The following SEMA3A variants were observed in gnomAD, a reference collection of about 807,000 sequenced individuals.
The protein encoded by SEMA3A is semaphorin-3A.
Under a neutral mutation model 97.9 loss-of-function variants are expected in SEMA3A, and 29 were observed. The ratio of observed to expected loss-of-function variants is 0.30; its 90% CI spans 0.22 to 0.40. The LOEUF (loss-of-function observed/expected upper bound fraction) is 0.40, where lower values mean the gene tolerates loss of function less well. Among genes scored for constraint, SEMA3A ranks in the 10% least tolerant of loss-of-function variants. SEMA3A has a pLI of 1.00. For missense variants in SEMA3A, 763 were observed against 951.3 expected (o/e 0.80, Z 2.60); for synonymous variants, 321 against 323.7 (o/e 0.99, Z 0.09).
chr7:84,484,882 G>A (rs1806535939), intron 1 of SEMA3A, among the ~76,000 whole-genome samples: 1 of 152,236 alleles, frequency 6.6e-6, no homozygotes, highest in South Asian at 2.1e-4. Context: ...CAAAGGAATG[G>A]AACTATAATA....
intron 12 of SEMA3A, among the ~76,000 whole-genome samples, chr7:83,989,417 C>T (rs993285573): frequency 6.7e-6 from 1 of 150,052 alleles, no homozygotes; most frequent in East Asian, 2.0e-4. Flanking sequence ...ACTGCACCCA[C>T]TAACTCGTCA....
intron 16 of SEMA3A, 106 bp downstream of exon 16, chr7:83,963,099 G>A: frequency 3.3e-6 from 4 of 1,214,276 alleles, no homozygotes; most frequent in Non-Finnish European, 4.7e-6. Flanking sequence ...GTTCAGAAGA[G>A]GATAAGCATT....
rs1434980176 is a variant in SEMA3A at position 84,358,979 on chromosome 7, A to G, written c.-169+12845T>C. Among the ~76,000 whole-genome samples the G allele has an allele frequency of 2.0e-5, 3 of 152,108 alleles. No individual in the cohort carries two copies. The East Asian group carries it at 5.8e-4, about 29-fold the overall frequency. Reference sequence around the variant, plus strand: ...GAATGCTTGTGATTTTTGCACATTGATCCTGAGACTTTGCTGAAGTTTGCT... The same window carrying G: ...GAATGCTTGTGATTTTTGCACATTGGTCCTGAGACTTTGCTGAAGTTTGCT... On this transcript the variant is annotated intron_variant, in intron 2 of 3. Coordinates refer to the SEMA3A transcript ENST00000424555.
At chr7:84,367,209 G>A (rs1584268704) in intron 2 of SEMA3A, among the ~76,000 whole-genome samples, 1 of 151,164 alleles carries the variant, frequency 6.6e-6, no homozygotes, top group African/African-American at 2.4e-5. Context: ...TAGGTGAGAT[G>A]TGGAATTACC....
At chr7:84,045,514 A>T (rs1207678411) in intron 6 of SEMA3A, among the ~76,000 whole-genome samples, 2 of 148,144 alleles carry the variant, frequency 1.4e-5, no homozygotes, top group East Asian at 3.9e-4. Context: ...GTAAATAACT[A>T]AAAAAAAAAG....
intron 1 of SEMA3A, among the ~76,000 whole-genome samples, chr7:84,447,312 G>A (rs2116355833): frequency 6.6e-6 from 1 of 152,296 alleles, no homozygotes; most frequent in East Asian, 1.9e-4. Context: ...GGTAACAGGA[G>A]GCAGATAGGC....
intron 1 of SEMA3A, among the ~76,000 whole-genome samples, chr7:84,151,068 T>C (rs1239103820): frequency 2.7e-5 from 4 of 149,904 alleles, no homozygotes; most frequent in African/African-American, 2.4e-5. Context: ...AGAAAGGACA[T>C]CCACACCAAA....
intron 3 of SEMA3A, among the ~76,000 whole-genome samples, chr7:84,242,847 G>T (rs970353961): frequency 3.9e-5 from 6 of 151,992 alleles, no homozygotes; most frequent in African/African-American, 1.5e-4. Context: ...AGCCTGAAGG[G>T]GTGTTGAATT....
chr7:84,086,438 T>C (rs1207282638), intron 4 of SEMA3A, among the ~76,000 whole-genome samples: 18 of 142,174 alleles, frequency 1.3e-4, no homozygotes, highest in Admixed American at 3.6e-4. Context: ...ATTATATTTA[T>C]ATTTTATATA....
intron 12 of SEMA3A, among the ~76,000 whole-genome samples, chr7:84,001,537 T>C (rs1267516210): frequency 6.6e-6 from 1 of 152,168 alleles, no homozygotes; most frequent in African/African-American, 2.4e-5. Context: ...AAGCTAAAAA[T>C]TGACTGAAAT....
Position 83,996,857 on chromosome 7 carries a change from C to G in SEMA3A, c.1452+5098G>C, listed in dbSNP as rs143826660. 5.3e-5 allele frequency among the ~76,000 whole-genome samples: 8 copies of G among 152,162 alleles called. No homozygotes were observed. In the East Asian group the frequency reaches 1.5e-3, roughly 29 times the overall value. On this transcript the variant is annotated intron_variant, in intron 12 of 16. Transcript: ENST00000265362. ...CATTTCTAGAGTCCTGTACCAATGC[C>G]AGTTTTATTTCACCTCTTATTACCT...
chr7:84,033,921 C>G (rs899316257), intron 6 of SEMA3A, among the ~76,000 whole-genome samples: 3 of 151,946 alleles, frequency 2.0e-5, no homozygotes, highest in African/African-American at 7.3e-5. Context: ...ATAAATAACA[C>G]AGATCTTTGG....
At chr7:84,180,175 A>T (rs1374905429) in intron 1 of SEMA3A, among the ~76,000 whole-genome samples, 2 of 149,174 alleles carry the variant, frequency 1.3e-5, no homozygotes, top group Non-Finnish European at 3.0e-5. Context: ...CTAACTCCCG[A>T]CCTCAGGTGA....
intron 2 of SEMA3A, among the ~76,000 whole-genome samples, chr7:84,363,542 A>G (rs1802774801): frequency 6.6e-6 from 1 of 151,868 alleles, no homozygotes; most frequent in African/African-American, 2.4e-5. Context: ...TTGACCTAAG[A>G]TTTTTAATTT....
intron 2 of SEMA3A, among the ~76,000 whole-genome samples, chr7:84,313,389 TATATATATATATATATAA>T (rs1801408943): frequency 1.2e-5 from 1 of 83,486 alleles, no homozygotes; most frequent in African/African-American, 3.6e-5. Context: ...TATATATATA[TATATATATATATATATAA>T]ACTATACGTG....
chr7:84,362,604 C>CT, intron 2 of SEMA3A, among the ~76,000 whole-genome samples: 1 of 151,862 alleles, frequency 6.6e-6, no homozygotes, highest in Non-Finnish European at 1.5e-5. Flanking sequence ...AACTTTACAA[C>CT]TTTAAGTTTG....
At chr7:84,003,753 T>C (rs534706298) in intron 11 of SEMA3A, among the ~76,000 whole-genome samples, 1 of 152,250 alleles carries the variant, frequency 6.6e-6, no homozygotes, top group East Asian at 1.9e-4. Context: ...AGAAATTCAA[T>C]TATAATTTGA....
At position 84,038,896 on chromosome 7, in the gene SEMA3A, T is replaced by A. The variant is rs1464678854; in HGVS notation, c.667+7428A>T. 5.3e-5 allele frequency among the ~76,000 whole-genome samples: 8 copies of A among 152,148 alleles called. No individual in the cohort carries two copies. The South Asian group carries it at 1.4e-3, about 28-fold the overall frequency. ...CATCTTCTAATTTTGTAAAACACAA[T>A]GTGTTTTATGATTTTAATACTGAAG... On this transcript the variant is annotated intron_variant, in intron 6 of 16. Coordinates refer to ENST00000265362, the MANE Select transcript of SEMA3A (RefSeq NM_006080.3).
chr7:84,302,806 T>A (rs1014879479), intron 3 of SEMA3A, among the ~76,000 whole-genome samples: 5 of 152,156 alleles, frequency 3.3e-5, no homozygotes, highest in African/African-American at 1.2e-4. Flanking sequence ...GAAACAAATG[T>A]AGAATTAGAG....
Sources: allele counts gnomAD v4.1 joint callset (sites outside exome capture counted in the v4.1 genomes callset), GRCh38; gene constraint gnomAD v4.1.1; transcripts MANE v1.5; gene names NCBI Gene and HGNC (gene_info 2026-07-23, HGNC 2026-07-21).